BNC2: variants seen among roughly 807,000 people sequenced by gnomAD.
BNC2 encodes basonuclin zinc finger protein 2.
In BNC2, 20 loss-of-function variants were observed where a neutral mutation model predicts 76.3. That is an observed-to-expected ratio of 0.26 (90% CI 0.18 to 0.38). BNC2 has a LOEUF of 0.38. Ranked by LOEUF, BNC2 falls within the 10% of genes least tolerant of loss-of-function variation. The pLI is 1.00. For synonymous variants in BNC2, 582 were observed against 514.8 expected, an observed-to-expected ratio of 1.13 and a Z score of -1.77; for missense variants, 1,382 against 1,399.8, an observed-to-expected ratio of 0.99 and a Z score of 0.20.
intron 1 of BNC2, among the ~76,000 whole-genome samples, chr9:16,801,587 A>T (rs1309821822): frequency 6.6e-6 from 1 of 151,962 alleles, no homozygotes; most frequent in Non-Finnish European, 1.5e-5. Flanking sequence ...CATTCAACTA[A>T]ACCTCAAGTA....
chr9:16,589,975 C>A (rs1391482774), intron 3 of BNC2, among the ~76,000 whole-genome samples: 1 of 152,010 alleles, frequency 6.6e-6, no homozygotes, highest in East Asian at 1.9e-4. Context: ...ACATAAGCAG[C>A]CACTCAGGTG....
chr9:16,606,102 CT>C lies in BNC2; in HGVS notation c.331-23018del, dbSNP rs534029655. 8.5e-5 allele frequency among the ~76,000 whole-genome samples: 13 copies of C among 152,132 alleles called. No homozygotes were observed. The South Asian group carries it at 2.5e-3, about 29-fold the overall frequency. On this transcript the variant is annotated intron_variant, in intron 3 of 6. Coordinates refer to ENST00000380672, the MANE Select transcript of BNC2 (RefSeq NM_017637.6). ...CTGCTGCTAGAACAGAAAATAAGGG[CT>C]TACAATTTCAATTATGAGCAACATT...
intron 1 of BNC2, among the ~76,000 whole-genome samples, chr9:16,771,015 C>G (rs1383976431): frequency 2.0e-5 from 3 of 151,956 alleles, no homozygotes; most frequent in Non-Finnish European, 2.9e-5. Context: ...ACTAAAAATA[C>G]AAAATTAGCT....
At chr9:16,801,327 C>A (rs1458245754) in intron 1 of BNC2, among the ~76,000 whole-genome samples, 1 of 152,090 alleles carries the variant, frequency 6.6e-6, no homozygotes, top group Non-Finnish European at 1.5e-5. Context: ...CTCACTGCAA[C>A]CTCTGCCCCC....
intron 5 of BNC2, among the ~76,000 whole-genome samples, chr9:16,516,641 TTAAA>T (rs1373415312): frequency 3.9e-5 from 6 of 152,158 alleles, no homozygotes; most frequent in African/African-American, 1.4e-4. Flanking sequence ...ACAAACTCAG[TTAAA>T]TGTGTGCTTC....
In BNC2 at chr9:16,436,230, T is replaced by C. The variant is rs919173006; in HGVS notation, c.1964A>G (p.Asp655Gly). 1.9e-6 allele frequency: 3 copies of C among 1,614,160 alleles called. No individual in the cohort carries two copies. The highest frequency in any genetic ancestry group is 2.2e-5 in the East Asian group (1 of 44,876). The change falls in exon 6 of 7, where the codon GAT becomes GGT. Residue 655 changes from aspartate (D) to glycine (G), a missense_variant. Physicochemically the swap from Asp to Gly is moderately conservative, Grantham distance 94 (BLOSUM62 -1). This residue lies in a region of BNC2 where 798 missense variants were observed against 775.5 expected (regional missense o/e 1.03). Coordinates refer to ENST00000380672, the MANE Select transcript of BNC2 (RefSeq NM_017637.6). ...EIIDTADEFDDEDDDPNDGGA... is the reference protein window; with the variant it reads ...EIIDTADEFDGEDDDPNDGGA... ...ACCATCATTGGGGTCATCATCTTCA[T>C]CATCAAACTCATCGGCGGTATCAAT... is the stretch of plus-strand genomic sequence containing the variant.
rs1820540224 is a variant in BNC2, at chr9:16,414,404, T to C, written c.*4585A>G. ...TCTTTTATTGCTCATCTTACTCATT[T>C]AGATCCATCCCCAAAAAATAAACAA... is the stretch of plus-strand genomic sequence containing the variant. On this transcript the variant is annotated 3_prime_UTR_variant, in exon 7 of 7. Coordinates refer to ENST00000380672, the MANE Select transcript of BNC2 (RefSeq NM_017637.6). 1 of 152,222 alleles carries C rather than the reference T, an allele frequency of 6.6e-6. No individual in the cohort carries two copies. Among genetic ancestry groups the C allele is most frequent in the Non-Finnish European group, 1.5e-5 (1 of 68,036 alleles). 9.4% of individuals were successfully genotyped at this position (152,222 alleles called of 1,614,324 possible). A position where few individuals can be genotyped will look rare whatever the true frequency, so the allele number is the denominator to read the frequency against.
intron 5 of BNC2, among the ~76,000 whole-genome samples, chr9:16,454,657 CTT>C (rs1821410722): frequency 6.6e-6 from 1 of 152,154 alleles, no homozygotes; most frequent in Admixed American, 6.5e-5. Context: ...AAACTAACCA[CTT>C]GTTACTTCTG....
chr9:16,719,608 A>G (rs1179640013), intron 3 of BNC2, among the ~76,000 whole-genome samples: 1 of 152,250 alleles, frequency 6.6e-6, no homozygotes, highest in Non-Finnish European at 1.5e-5. Flanking sequence ...AGCAGGTAAC[A>G]ATATTGAAAG....
Position 16,649,767 on chromosome 9 carries a change from T to C in BNC2, c.331-66682A>G, listed in dbSNP as rs1821740386. On this transcript the variant is annotated intron_variant, in intron 3 of 6. Transcript: ENST00000380672. ...CAGATGATACGTCAATAAACTTCAT[T>C]TGTTTGAGAGGCCAATGCTATAGAA... Among the ~76,000 whole-genome samples, 5 of 152,170 alleles carry C rather than the reference T, an allele frequency of 3.3e-5. No individual in the cohort carries two copies. In the South Asian group the frequency reaches 1.0e-3, roughly 31 times the overall value.
chr9:16,584,937 A>C (rs982270942), intron 3 of BNC2, among the ~76,000 whole-genome samples: 3 of 152,154 alleles, frequency 2.0e-5, no homozygotes, highest in Non-Finnish European at 4.4e-5. Context: ...TATAATTTGA[A>C]GTGCAATAAT....
rs1288863849 is a variant in BNC2 at position 16,495,574 on chromosome 9, A to G, written c.669+56956T>C. Among the ~76,000 whole-genome samples the G allele has an allele frequency of 2.6e-5, 4 of 152,248 alleles. No individual in the cohort carries two copies. In the East Asian group the frequency reaches 7.7e-4, roughly 29 times the overall value. On this transcript the variant is annotated intron_variant, in intron 5 of 6. Coordinates refer to ENST00000380672, the MANE Select transcript of BNC2 (RefSeq NM_017637.6). ...CATATGCACTGCCCAAAGTGCCACC[A>G]AAGTGGCAAGTGGTGCTGAATGTAG...
chr9:16,685,525 A>G (rs1392954320), intron 3 of BNC2: 2 of 1,293,956 alleles, frequency 1.5e-6, no homozygotes, highest in African/African-American at 3.0e-5. Flanking sequence ...CCTAGCTGAG[A>G]AAACAGTTAA....
rs1822167000 is a variant in BNC2 at position 16,486,485 on chromosome 9, T to G, written c.670-48961A>C. On this transcript the variant is annotated intron_variant, in intron 5 of 6. Coordinates refer to ENST00000380672, the MANE Select transcript of BNC2 (RefSeq NM_017637.6). ...TAAATGCGCACACCTTTTATTATCCTCCCAGTACTATGCTTGGGCAATGTC... is the reference window on the plus strand; with the variant it reads ...TAAATGCGCACACCTTTTATTATCCGCCCAGTACTATGCTTGGGCAATGTC... Among the ~76,000 whole-genome samples the G allele has an allele frequency of 2.0e-5, 3 of 152,194 alleles. No individual in the cohort carries two copies. The South Asian group carries it at 6.2e-4, about 31-fold the overall frequency.
In BNC2 at chr9:16,678,402, G is replaced by T. The variant is rs1202843694; in HGVS notation, c.330+49395C>A. On this transcript the variant is annotated intron_variant, in intron 3 of 6. Coordinates refer to ENST00000380672, the MANE Select transcript of BNC2 (RefSeq NM_017637.6). ...TCGTGCCTCAGCCTCCAAATAGCTG[G>T]GATTACAGGCACACGCCACCATGCC... is the stretch of plus-strand genomic sequence containing the variant. 3.3e-5 allele frequency among the ~76,000 whole-genome samples: 5 copies of T among 149,300 alleles called. No homozygotes were observed. The Admixed American group carries it at 3.4e-4, about 10-fold the overall frequency.
rs139536551 is a variant in BNC2 at position 16,561,109 on chromosome 9, G to A, written c.434-8344C>T. Among the ~76,000 whole-genome samples the A allele has an allele frequency of 4.5e-3, 678 of 152,078 alleles. 7 individuals are homozygous for A. The highest frequency in any genetic ancestry group is 0.016 in the African/African-American group (645 of 41,506). On this transcript the variant is annotated intron_variant, in intron 4 of 6. Transcript: ENST00000380672. ...CAAAAATTAGCCAGGCATGGTGGTGGGCACCTGTAATCCCAGCTACTCAGG... is the reference window on the plus strand; with the variant it reads ...CAAAAATTAGCCAGGCATGGTGGTGAGCACCTGTAATCCCAGCTACTCAGG...
At chr9:16,544,787 G>A (rs1357462906) in intron 5 of BNC2, among the ~76,000 whole-genome samples, 5 of 147,642 alleles carry the variant, frequency 3.4e-5, no homozygotes. Context: ...TCCAGCCTGG[G>A]AGACAGAGTG....
intron 3 of BNC2, among the ~76,000 whole-genome samples, chr9:16,690,635 T>A (rs1458737101): frequency 6.6e-6 from 1 of 152,096 alleles, no homozygotes; most frequent in African/African-American, 2.4e-5. Context: ...CAGAGTTGTA[T>A]CAATAGGAAC....
At chr9:16,667,080 T>TACAAACACACACACAC (rs1822317123) in intron 3 of BNC2, among the ~76,000 whole-genome samples, 1 of 142,414 alleles carries the variant, frequency 7.0e-6, no homozygotes, top group African/African-American at 2.6e-5. Context: ...CAGATACACA[T>TACAAACACACACACAC]ACACACACAC....
Sources: allele counts gnomAD v4.1 joint callset (sites outside exome capture counted in the v4.1 genomes callset), GRCh38; gene constraint gnomAD v4.1.1; regional missense constraint gnomAD v4.1.1; transcripts MANE v1.5; gene names NCBI Gene and HGNC (gene_info 2026-07-23, HGNC 2026-07-21).